The following PRSS12 variants were observed in gnomAD, a reference collection of about 807,000 sequenced individuals.
PRSS12 encodes the protein neurotrypsin.
In PRSS12, 85 loss-of-function variants were observed where a neutral mutation model predicts 104.4. That is an observed-to-expected ratio of 0.81 (90% confidence interval 0.68 to 0.98). The LOEUF (loss-of-function observed/expected upper bound fraction) is 0.98, where lower values mean the gene tolerates loss of function less well. Among genes scored for constraint, PRSS12 ranks in the 50% least tolerant of loss-of-function variants. PRSS12 has a pLI of 0.00. For missense variants in PRSS12, 1,141 were observed against 1,139.2 expected, an observed-to-expected ratio of 1.00 and a Z score of -0.02; for synonymous variants, 454 against 425.2, an observed-to-expected ratio of 1.07 and a Z score of -0.83.
intron 1 of PRSS12, among the ~76,000 whole-genome samples, chr4:118,350,433 T>C (rs1333655094): frequency 6.6e-6 from 1 of 152,226 alleles, no homozygotes; most frequent in African/African-American, 2.4e-5. Flanking sequence ...AAGTAAATGA[T>C]AGAATGAGAT....
In PRSS12 at chr4:118,342,478, G is replaced by C. The variant is rs1578940595; in HGVS notation, c.503-4164C>G. Among the ~76,000 whole-genome samples the C allele has an allele frequency of 4.6e-5, 7 of 152,264 alleles. No homozygotes were observed. In the South Asian group the frequency reaches 1.5e-3, roughly 32 times the overall value. On this transcript the variant is annotated intron_variant, in intron 1 of 12. Transcript: ENST00000296498. ...GTTGCACTGTCTTAAAGTCTCTCAA[G>C]TGCCACGTGCACAGAAAATATTCTA...
intron 1 of PRSS12, among the ~76,000 whole-genome samples, chr4:118,345,738 T>C (rs566811310): frequency 1.9e-4 from 29 of 151,456 alleles, no homozygotes; most frequent in African/African-American, 7.0e-4. Flanking sequence ...CAGATATGAC[T>C]AAAAAAAAAT....
chr4:118,323,792 G>A (rs1578926487), intron 4 of PRSS12, among the ~76,000 whole-genome samples: 4 of 151,580 alleles, frequency 2.6e-5, no homozygotes, highest in South Asian at 2.1e-4. Context: ...ATGAATAATA[G>A]TAATAACTTG....
chr4:118,329,434 T>C (rs1723863336), intron 4 of PRSS12, among the ~76,000 whole-genome samples: 1 of 152,194 alleles, frequency 6.6e-6, no homozygotes, highest in Non-Finnish European at 1.5e-5. Context: ...GGCAAAGACA[T>C]AGGTTTCTTA....
chr4:118,345,263 G>T (rs926950597), intron 1 of PRSS12, among the ~76,000 whole-genome samples: 2 of 152,266 alleles, frequency 1.3e-5, no homozygotes, highest in African/African-American at 4.8e-5. Context: ...TTGTAGGGGG[G>T]TAAATATCAT....
intron 7 of PRSS12, among the ~76,000 whole-genome samples, chr4:118,310,138 C>A (rs935349272): frequency 1.3e-5 from 2 of 152,164 alleles, no homozygotes; most frequent in East Asian, 3.8e-4. Flanking sequence ...CTCATTAATA[C>A]ATCTGAAATT....
At chr4:118,301,593 T>A (rs1412218648) in intron 8 of PRSS12, among the ~76,000 whole-genome samples, 2 of 152,210 alleles carry the variant, frequency 1.3e-5, no homozygotes, top group Non-Finnish European at 2.9e-5. Flanking sequence ...CTATTTTGTC[T>A]TCACATTCAG....
rs138662053 is a variant in PRSS12, at chr4:118,297,818, T to C, written c.1837+915A>G. 5.8e-3 allele frequency among the ~76,000 whole-genome samples: 885 copies of C among 152,214 alleles called. 11 individuals carry two copies. The highest frequency in any genetic ancestry group is 0.01 in the Non-Finnish European group (682 of 67,988). ...CAAATTTCTCCAAAATAGCTCATTC[T>C]CTCAGTCATTTAAAGAATGTTTCAT... On this transcript the variant is annotated intron_variant, in intron 9 of 12. Coordinates refer to ENST00000296498, the MANE Select transcript of PRSS12 (RefSeq NM_003619.4).
intron 9 of PRSS12, 95 bp from the exon 10 acceptor site, chr4:118,295,951 G>C (rs576111095): frequency 8.0e-6 from 9 of 1,131,554 alleles, no homozygotes; most frequent in Middle Eastern, 1.9e-4. Context: ...CCTCCTCTAT[G>C]TCAAAATCCC....
intron 4 of PRSS12, among the ~76,000 whole-genome samples, chr4:118,330,754 T>A (rs2126040110): frequency 6.6e-6 from 1 of 152,360 alleles, no homozygotes; most frequent in East Asian, 1.9e-4. Context: ...TTGTAAGAGA[T>A]GCATGCTGAA....
At chr4:118,338,632 G>A (rs1724120722) in intron 1 of PRSS12, among the ~76,000 whole-genome samples, 1 of 151,980 alleles carries the variant, frequency 6.6e-6, no homozygotes, top group African/African-American at 2.4e-5. Context: ...ATTTTCAAAG[G>A]GGGAAAAAGT....
Position 118,280,713 on chromosome 4 carries a change from G to C in PRSS12, c.*1223C>G, listed in dbSNP as rs960188929. ...TTACTGCTAAGAATGTTCTGTAAAG[G>C]TGCATAGTTAAGCAGCTATCCCTTA... On this transcript the variant is annotated 3_prime_UTR_variant, in exon 13 of 13. Coordinates refer to ENST00000296498, the MANE Select transcript of PRSS12 (RefSeq NM_003619.4). 2 of 152,200 alleles carry C rather than the reference G, an allele frequency of 1.3e-5. No homozygotes were observed. Among genetic ancestry groups the C allele is most frequent in the African/African-American group, 4.8e-5 (2 of 41,448 alleles). The allele number at this position is 152,200 out of a possible 1,614,324, so 9.4% of individuals were successfully genotyped here. A position where few individuals can be genotyped will look rare whatever the true frequency, so the allele number is the denominator to read the frequency against.
chr4:118,350,135 A>G (rs1724455920), intron 1 of PRSS12, among the ~76,000 whole-genome samples: 1 of 152,234 alleles, frequency 6.6e-6, no homozygotes, highest in South Asian at 2.1e-4. Flanking sequence ...TGTTTTGCGT[A>G]CATGCTCAGC....
In PRSS12 at chr4:118,308,504, C is replaced by T. The variant is rs1270379863; in HGVS notation, c.1563G>A (p.Trp521Ter). ...TCCATCCATCATCACAGATTGTTCC[C>T]CACTGGCCATTGATAAAAACCTCCA... ...GRVEVFINGQ[W>*]GTICDDGWTD... Residue 521 changes from tryptophan to a stop codon, truncating the protein, a stop_gained, in exon 8 of 13, where the codon TGG becomes TGA. Transcript: ENST00000296498. LOFTEE classifies it high-confidence loss of function. The T allele has an allele frequency of 6.2e-7, 1 of 1,614,074 alleles. No homozygotes were observed. Among genetic ancestry groups the T allele is most frequent in the African/African-American group, 1.3e-5 (1 of 75,040 alleles).
intron 1 of PRSS12, among the ~76,000 whole-genome samples, chr4:118,342,559 C>G (rs1416179016): frequency 6.6e-6 from 1 of 152,088 alleles, no homozygotes; most frequent in Non-Finnish European, 1.5e-5. Context: ...AAGTCTCAAG[C>G]AGAGGTTTTA....
intron 8 of PRSS12, among the ~76,000 whole-genome samples, chr4:118,302,160 T>G (rs1743419207): frequency 6.6e-6 from 1 of 152,210 alleles, no homozygotes; most frequent in Non-Finnish European, 1.5e-5. Flanking sequence ...CACACTGAAT[T>G]ACATTAATTG....
chr4:118,330,173 A>C (rs1723882336), intron 4 of PRSS12, among the ~76,000 whole-genome samples: 1 of 152,144 alleles, frequency 6.6e-6, no homozygotes, highest in East Asian at 1.9e-4. Context: ...TTCAGGGGGA[A>C]ATCTAACTTT....
intron 4 of PRSS12, among the ~76,000 whole-genome samples, chr4:118,320,572 C>A (rs1723586856): frequency 6.6e-6 from 1 of 151,990 alleles, no homozygotes; most frequent in South Asian, 2.1e-4. Context: ...GGCAACAGGG[C>A]AAAACCCCAT....
intron 5 of PRSS12, among the ~76,000 whole-genome samples, chr4:118,317,819 CCTT>C (rs1005264327): frequency 3.3e-5 from 5 of 152,088 alleles, no homozygotes; most frequent in Non-Finnish European, 7.4e-5. Context: ...TTTTCCATTT[CCTT>C]CTTCTTCTCC....
Sources: gnomAD v4.1 joint callset for allele counts (sites outside exome capture counted in the v4.1 genomes callset) on GRCh38, gnomAD v4.1.1 for gene constraint, MANE v1.5 for transcripts, NCBI Gene and HGNC (gene_info 2026-07-23, HGNC 2026-07-21) for gene names.